Variants in GRM7 observed in about 807,000 individuals in gnomAD.
The protein encoded by GRM7 is metabotropic glutamate receptor 7.
GRM7 carries 35 observed loss-of-function variants against 84.5 expected under a neutral mutation model. The ratio of observed to expected loss-of-function variants is 0.41; its 90% CI spans 0.32 to 0.55. The LOEUF (loss-of-function observed/expected upper bound fraction) is 0.55, where lower values mean the gene tolerates loss of function less well. Ranked by LOEUF, GRM7 falls within the 20% of genes least tolerant of loss-of-function variation. The pLI is 0.19. For synonymous variants in GRM7, 487 were observed against 455.1 expected (o/e 1.07, Z -0.89); for missense variants, 1,003 against 1,194.6 (o/e 0.84, Z 2.36).
chr3:7,090,818 C>G (rs1698636542), intron 1 of GRM7, among the ~76,000 whole-genome samples: 1 of 152,120 alleles, frequency 6.6e-6, no homozygotes, highest in Non-Finnish European at 1.5e-5. Context: ...GGGTTGTTAA[C>G]TCAAGGTCAG....
At chr3:7,201,754 C>A (rs1478621377) in intron 2 of GRM7, among the ~76,000 whole-genome samples, 1 of 149,164 alleles carries the variant, frequency 6.7e-6, no homozygotes, top group East Asian at 1.9e-4. Context: ...GTTAATATCA[C>A]AGCCAGAATT....
At chr3:7,236,930 G>T (rs144754843) in intron 2 of GRM7, among the ~76,000 whole-genome samples, 131 of 152,230 alleles carry the variant, frequency 8.6e-4, no homozygotes, top group African/African-American at 2.9e-3. Context: ...GAAATTCTTC[G>T]TTTTATTTAC....
intron 1 of GRM7, 72 bp from the exon 2 acceptor site, chr3:7,146,380 C>A: frequency 8.6e-7 from 1 of 1,165,258 alleles, no homozygotes; most frequent in Non-Finnish European, 1.3e-6. Flanking sequence ...TTTAAGTAAA[C>A]TGTCATAAGT....
At chr3:6,985,009 C>T (rs576913) in intron 1 of GRM7, among the ~76,000 whole-genome samples, 22,921 of 152,178 alleles carry the variant, frequency 0.15, 1,991 homozygotes, top group South Asian at 0.31. Context: ...CTGAGATTAC[C>T]TCTATAAACA....
At chr3:6,864,585 T>C (rs1694878987) in intron 1 of GRM7, among the ~76,000 whole-genome samples, 1 of 152,192 alleles carries the variant, frequency 6.6e-6, no homozygotes, top group Admixed American at 6.5e-5. Context: ...CTCCTCCAAA[T>C]GATTGAATTT....
At chr3:7,493,175 A>G (rs147727768) in intron 7 of GRM7, among the ~76,000 whole-genome samples, 101 of 152,120 alleles carry the variant, frequency 6.6e-4, no homozygotes, top group African/African-American at 2.4e-3. Flanking sequence ...GTATATGTCA[A>G]TTACATCTTT....
chr3:7,199,195 G>A (rs1306708887), intron 2 of GRM7, among the ~76,000 whole-genome samples: 1 of 152,160 alleles, frequency 6.6e-6, no homozygotes, highest in African/African-American at 2.4e-5. Flanking sequence ...TAAGAGGCCT[G>A]GTAGCCTCTG....
chr3:7,489,850 G>C (rs1470676739), intron 7 of GRM7, among the ~76,000 whole-genome samples: 2 of 151,578 alleles, frequency 1.3e-5, no homozygotes, highest in East Asian at 1.9e-4. Flanking sequence ...GCAGAAAACA[G>C]CATATTATAA....
At chr3:6,933,032 G>A (rs1233823892) in intron 1 of GRM7, among the ~76,000 whole-genome samples, 1 of 152,128 alleles carries the variant, frequency 6.6e-6, no homozygotes, top group Admixed American at 6.5e-5. Flanking sequence ...TGGGATTGCA[G>A]GCATGAGCCA....
At chr3:6,889,711 T>A (rs1574974156) in intron 1 of GRM7, among the ~76,000 whole-genome samples, 1 of 152,290 alleles carries the variant, frequency 6.6e-6, no homozygotes, top group South Asian at 2.1e-4. Context: ...GTTGTGTCTC[T>A]GCCTGGCTTT....
At chr3:7,647,372 C>G (rs141579925) in intron 8 of GRM7, among the ~76,000 whole-genome samples, 137 of 152,232 alleles carry the variant, frequency 9.0e-4, no homozygotes, top group African/African-American at 3.2e-3. Flanking sequence ...AAATGAAACA[C>G]ATTTACCTTG....
intron 1 of GRM7, among the ~76,000 whole-genome samples, chr3:7,060,969 G>T (rs1350410093): frequency 6.6e-6 from 1 of 151,772 alleles, no homozygotes; most frequent in African/African-American, 2.4e-5. Flanking sequence ...CACTGCCGTT[G>T]AATCCATAAG....
intron 4 of GRM7, among the ~76,000 whole-genome samples, chr3:7,409,171 C>A (rs1396902071): frequency 6.6e-6 from 1 of 152,086 alleles, no homozygotes; most frequent in South Asian, 2.1e-4. Flanking sequence ...TCACTTCCTT[C>A]CCCCAAACTA....
intron 6 of GRM7, among the ~76,000 whole-genome samples, chr3:7,455,331 A>G (rs2124897129): frequency 6.6e-6 from 1 of 152,288 alleles, no homozygotes; most frequent in East Asian, 1.9e-4. Context: ...TTACAGTATG[A>G]TGAGAAACAA....
At chr3:7,168,222 T>C (rs548952370) in intron 2 of GRM7, among the ~76,000 whole-genome samples, 1 of 152,250 alleles carries the variant, frequency 6.6e-6, no homozygotes, top group South Asian at 2.1e-4. Context: ...ACTTTGCAAA[T>C]GTGCAATTAT....
intron 1 of GRM7, among the ~76,000 whole-genome samples, chr3:6,919,365 ATTTTTTT>A (rs60633616): frequency 9.1e-6 from 1 of 109,488 alleles, no homozygotes; most frequent in South Asian, 3.1e-4. Context: ...TGCCTGGCTA[ATTTTTTT>A]TTTTTTTTTT....
intron 2 of GRM7, among the ~76,000 whole-genome samples, chr3:7,197,783 A>G (rs1039116214): frequency 2.0e-5 from 3 of 151,996 alleles, no homozygotes; most frequent in Non-Finnish European, 4.4e-5. Flanking sequence ...AGTGGTGTAT[A>G]TAGTTACTGT....
chr3:7,531,346 G>T (rs775455542), intron 7 of GRM7, among the ~76,000 whole-genome samples: 15 of 151,940 alleles, frequency 9.9e-5, no homozygotes, highest in Admixed American at 5.9e-4. Flanking sequence ...GGTTACTGTA[G>T]CCTTGTAGTA....
intron 9 of GRM7, among the ~76,000 whole-genome samples, chr3:7,734,966 T>C (rs1283143204): frequency 5.3e-5 from 8 of 152,198 alleles, no homozygotes; most frequent in Admixed American, 3.3e-4. Context: ...ATCTACTCTT[T>C]TGCTATTTAG....
Sources: allele counts gnomAD v4.1 joint callset (sites outside exome capture counted in the v4.1 genomes callset), GRCh38; gene constraint gnomAD v4.1.1; transcripts MANE v1.5; gene names NCBI Gene and HGNC (gene_info 2026-07-23, HGNC 2026-07-21).